The following ANXA11 variants were observed in gnomAD, a reference collection of about 807,000 sequenced individuals.
The protein encoded by ANXA11 is 56 kDa autoantigen.
A neutral mutation model predicts 64.7 loss-of-function variants in ANXA11; 57 were observed. The ratio of observed to expected loss-of-function variants is 0.88; its 90% CI spans 0.71 to 1.10. The LOEUF is 1.10. Among genes scored for constraint, ANXA11 ranks in the 50% least tolerant of loss-of-function variants. The pLI, the probability that ANXA11 is intolerant of heterozygous loss-of-function variation, is 0.00. For missense variants in ANXA11, 675 were observed against 670.7 expected, an observed-to-expected ratio of 1.01 and a Z score of -0.07; for synonymous variants, 260 against 265.2, an observed-to-expected ratio of 0.98 and a Z score of 0.19.
At chr10:80,179,303 C>T (rs762502678) in intron 1 of ANXA11, among the ~76,000 whole-genome samples, 3 of 152,172 alleles carry the variant, frequency 2.0e-5, no homozygotes, top group Non-Finnish European at 2.9e-5. Context: ...TCATGCTTTC[C>T]CTCACTTGGA....
chr10:80,189,059 G>A (rs879534140), intron 1 of ANXA11, among the ~76,000 whole-genome samples: 11 of 152,146 alleles, frequency 7.2e-5, no homozygotes, highest in African/African-American at 1.2e-4. Flanking sequence ...CTGTGAATGC[G>A]TTACTTTAGG....
At chr10:80,188,781 C>T (rs865936729) in intron 1 of ANXA11, among the ~76,000 whole-genome samples, 7 of 152,152 alleles carry the variant, frequency 4.6e-5, no homozygotes, top group South Asian at 2.1e-4. Flanking sequence ...GTGACCAACA[C>T]GCCTAGTGGC....
intron 3 of ANXA11, chr10:80,171,882 C>T (rs2132423624): frequency 1.0e-6 from 1 of 985,554 alleles, no homozygotes; most frequent in South Asian, 4.7e-5. Context: ...GCCAGCCAAC[C>T]TGGGGTGGGC....
intron 1 of ANXA11, among the ~76,000 whole-genome samples, chr10:80,185,405 C>T (rs2054224235): frequency 1.3e-5 from 2 of 152,190 alleles, no homozygotes; most frequent in Non-Finnish European, 1.5e-5. Flanking sequence ...GACAGGCAGA[C>T]AAGAGCAAGA....
intron 4 of ANXA11, 137 bp from the exon 5 acceptor site, chr10:80,169,495 C>G (rs1807682077): frequency 9.8e-7 from 1 of 1,025,400 alleles, no homozygotes; most frequent in Admixed American, 2.1e-5. Flanking sequence ...ATACCCATTT[C>G]ACAGACCACA....
chr10:80,164,319 C>T (rs1397686756), intron 8 of ANXA11, among the ~76,000 whole-genome samples, 176 bp from the exon 9 acceptor site: 2 of 152,138 alleles, frequency 1.3e-5, no homozygotes, highest in Admixed American at 6.5e-5. Flanking sequence ...CTCCACAGCC[C>T]GGGCAAGCAC....
intron 1 of ANXA11, among the ~76,000 whole-genome samples, chr10:80,184,583 GAGAC>G (rs140303097): frequency 0.027 from 4,070 of 152,218 alleles, 186 homozygotes; most frequent in African/African-American, 0.09. Flanking sequence ...ACGAGAGAGA[GAGAC>G]AGACAGACAG....
At chr10:80,177,331 G>A (rs1217984869) in intron 1 of ANXA11, among the ~76,000 whole-genome samples, 2 of 152,070 alleles carry the variant, frequency 1.3e-5, no homozygotes, top group African/African-American at 4.8e-5. Flanking sequence ...GGTATGGTCT[G>A]AAGAGTGCAG....
intron 13 of ANXA11, among the ~76,000 whole-genome samples, chr10:80,158,393 C>G (rs78805215): frequency 0.032 from 4,902 of 152,168 alleles, 373 homozygotes; most frequent in East Asian, 0.3. Flanking sequence ...AGGCCATGAC[C>G]GTCATGGAGA....
chr10:80,153,299 C>A lies in ANXA11; in HGVS notation c.*2554G>T, dbSNP rs1845188312. 6.6e-6 allele frequency: 1 copy of A among 152,146 alleles called. No individual in the cohort carries two copies. Among genetic ancestry groups the A allele is most frequent in the Non-Finnish European group, 1.5e-5 (1 of 68,024 alleles). The allele number at this position is 152,146 out of a possible 1,614,324, so 9.4% of individuals were successfully genotyped here. Reference sequence around the variant, plus strand: ...ATGCAGGAATGCAAGCCCCATAGTGCCAGAATTTCTGAGTTTTCAAGAGAA... The same window carrying A: ...ATGCAGGAATGCAAGCCCCATAGTGACAGAATTTCTGAGTTTTCAAGAGAA... On this transcript the variant is annotated 3_prime_UTR_variant, in exon 16 of 16. Coordinates refer to ENST00000422982, the MANE Select transcript of ANXA11 (RefSeq NM_145868.2).
rs550399592 is a variant in ANXA11, at chr10:80,161,293, C to T, written c.1180+642G>A. 1.2e-3 allele frequency among the ~76,000 whole-genome samples: 176 copies of T among 152,350 alleles called. No individual in the cohort carries two copies. In the South Asian group the frequency reaches 0.016, roughly 14 times the overall value. ...CCCAGGCAGGCCTCTGCCCCTGCAT[C>T]TCCCTTTAGGTTTTTAAATCAAATG... is the stretch of plus-strand genomic sequence containing the variant. On this transcript the variant is annotated intron_variant, in intron 12 of 15. Transcript: ENST00000422982.
chr10:80,200,200 G>C (rs938634619), intron 1 of ANXA11, among the ~76,000 whole-genome samples: 27 of 152,192 alleles, frequency 1.8e-4, no homozygotes, highest in African/African-American at 6.5e-4. Flanking sequence ...GGAGCTCATG[G>C]TCATCAGTGA....
At chr10:80,160,602 G>A (rs1022544251) in intron 12 of ANXA11, among the ~76,000 whole-genome samples, 38 of 152,168 alleles carry the variant, frequency 2.5e-4, no homozygotes, top group African/African-American at 9.2e-4. Context: ...CCCTTCCTCT[G>A]CGTCCTCCTC....
chr10:80,196,434 T>G (rs927841768), intron 1 of ANXA11, among the ~76,000 whole-genome samples: 6 of 152,156 alleles, frequency 3.9e-5, no homozygotes, highest in Non-Finnish European at 5.9e-5. Flanking sequence ...GACTCATTTC[T>G]TTCACTCTCT....
At position 80,169,351 on chromosome 10, in the gene ANXA11, T is replaced by C. The variant is rs1314843479; in HGVS notation, c.179A>G (p.Asn60Ser). The C allele has an allele frequency of 7.5e-6, 12 of 1,605,688 alleles. No homozygotes were observed. Among genetic ancestry groups the C allele is most frequent in the Non-Finnish European group, 1.0e-5 (12 of 1,179,810 alleles). Residue 60 changes from asparagine to serine, a missense_variant, in exon 5 of 16, where the codon AAC becomes AGC. Physicochemically the swap from Asn to Ser is conservative, Grantham distance 46 (BLOSUM62 1). Coordinates refer to ENST00000422982, the MANE Select transcript of ANXA11 (RefSeq NM_145868.2). ...GGCTCCTCCAAATGTCCCAGACATG[T>C]TGGCCGCCTGCAAGGACACAAAGCA... ...NQDYLSGMAA[N>S]MSGTFGGANM... is the part of the protein sequence containing the mutation.
intron 1 of ANXA11, among the ~76,000 whole-genome samples, chr10:80,200,812 G>T (rs545162779): frequency 5.9e-5 from 9 of 152,248 alleles, no homozygotes; most frequent in Non-Finnish European, 8.8e-5. Context: ...GGGGCGGGGG[G>T]ATTGCTTGAG....
intron 1 of ANXA11, among the ~76,000 whole-genome samples, chr10:80,203,570 T>C (rs1258418122): frequency 2.0e-5 from 3 of 152,132 alleles, no homozygotes; most frequent in Non-Finnish European, 4.4e-5. Context: ...GCAAGGCCCA[T>C]CCTGAGTGCT....
chr10:80,170,967 G>A (rs1845949776), intron 3 of ANXA11, 52 bp from the exon 4 acceptor site: 4 of 1,549,330 alleles, frequency 2.6e-6, no homozygotes, highest in East Asian at 2.4e-5. Flanking sequence ...CACCACACGG[G>A]GAAAGGCAGA....
At chr10:80,188,722 AAAG>A (rs1408188720) in intron 1 of ANXA11, among the ~76,000 whole-genome samples, 5 of 152,066 alleles carry the variant, frequency 3.3e-5, no homozygotes, top group Non-Finnish European at 4.4e-5. Flanking sequence ...CTAAAAGTAA[AAAG>A]AACAGGAACG....
Sources: allele counts gnomAD v4.1 joint callset (sites outside exome capture counted in the v4.1 genomes callset), GRCh38; gene constraint gnomAD v4.1.1; transcripts MANE v1.5; gene names NCBI Gene and HGNC (gene_info 2026-07-23, HGNC 2026-07-21).